The following DHODH variants were observed in gnomAD, a reference collection of about 807,000 sequenced individuals.
The protein encoded by DHODH is dihydroorotate dehydrogenase (quinone), mitochondrial.
In DHODH, 30 loss-of-function variants were observed where a neutral mutation model predicts 39.7. The observed-to-expected ratio is 0.76, with a 90% confidence interval of 0.57 to 1.02. The LOEUF (loss-of-function observed/expected upper bound fraction) is 1.02. Among genes scored for constraint, DHODH ranks in the 50% least tolerant of loss-of-function variants. DHODH has a pLI of 0.00. For synonymous variants in DHODH, 222 were observed against 213.8 expected (o/e 1.04, Z -0.34); for missense variants, 531 against 520.8 (o/e 1.02, Z -0.19).
intron 5 of DHODH, among the ~76,000 whole-genome samples, chr16:72,021,887 A>G (rs1278308592): frequency 1.3e-5 from 2 of 152,162 alleles, no homozygotes; most frequent in African/African-American, 2.4e-5. Context: ...ACTTGAGCTC[A>G]GGAGCTGACC....
At chr16:72,014,098 A>G (rs945595873) in intron 2 of DHODH, among the ~76,000 whole-genome samples, 6 of 152,154 alleles carry the variant, frequency 3.9e-5, no homozygotes, top group Admixed American at 1.3e-4. Context: ...GCCTGACACC[A>G]GCGAGCTACT....
rs996948451 is a variant in DHODH at position 72,022,427 on chromosome 16, T to G, written c.771T>G (p.Pro257=). Residue 257 remains proline, a synonymous_variant, in exon 6 of 9, where the codon CCT becomes CCG. Transcript: ENST00000219240. ...CGGCAGTCCTGGTGAAGATCGCTCC[T>G]GACCTCACCAGCCAGGATAAGGAGG... The part of the protein sequence containing the change: ...HRPAVLVKIA[P]DLTSQDKEDI... 1 of 1,557,762 alleles carries G rather than the reference T, an allele frequency of 6.4e-7. No individual in the cohort carries two copies. Among genetic ancestry groups the G allele is most frequent in the Non-Finnish European group, 8.7e-7 (1 of 1,150,440 alleles).
intron 2 of DHODH, among the ~76,000 whole-genome samples, chr16:72,014,263 G>A (rs2041115195): frequency 6.6e-6 from 1 of 152,154 alleles, no homozygotes; most frequent in South Asian, 2.1e-4. Flanking sequence ...TCTAGCTGGT[G>A]TCACAGTCCC....
In DHODH at chr16:72,023,509, A is replaced by T. The variant is rs376142632; in HGVS notation, c.1009A>T (p.Ser337Cys). 179 of 1,614,012 alleles carry T rather than the reference A, an allele frequency of 1.1e-4. No homozygotes were observed. The highest frequency in any genetic ancestry group is 1.5e-4 in the Non-Finnish European group (175 of 1,180,040). Residue 337 changes from serine to cysteine, a missense_variant, in exon 8 of 9, where the codon AGC becomes TGC. Physicochemically the swap from Ser to Cys is moderately radical, Grantham distance 112. Transcript: ENST00000219240. ...VPIIGVGGVSSGQDALEKIRA... is the reference protein window; with the variant it reads ...VPIIGVGGVSCGQDALEKIRA... The stretch of plus-strand genomic sequence containing the variant: ...CATAATTGGGGTTGGTGGTGTGAGC[A>T]GCGGGCAGGACGCGCTGGAGAAGAT...
chr16:72,019,200 C>T (rs369752541), intron 4 of DHODH, among the ~76,000 whole-genome samples: 3 of 152,314 alleles, frequency 2.0e-5, no homozygotes, highest in African/African-American at 7.2e-5. Context: ...AATTGATCCA[C>T]CCACCTCAGC....
In DHODH at chr16:72,026,076, C is replaced by T. The variant is rs552946724; in HGVS notation, c.*1877C>T. 75 of 152,402 alleles carry T rather than the reference C, an allele frequency of 4.9e-4. No homozygotes were observed. The highest frequency in any genetic ancestry group is 1.8e-3 in the African/African-American group (74 of 41,592). 9.4% of individuals were successfully genotyped at this position (152,402 alleles called of 1,614,324 possible). On this transcript the variant is annotated 3_prime_UTR_variant, in exon 9 of 9. Coordinates refer to ENST00000219240, the MANE Select transcript of DHODH (RefSeq NM_001361.5). Reference sequence around the variant, plus strand: ...TCCTTACTCCAGGAAGAGCAGTGCACTGAAGGAGAAATGGGAATGGGCAAA... The same window carrying T: ...TCCTTACTCCAGGAAGAGCAGTGCATTGAAGGAGAAATGGGAATGGGCAAA...
intron 4 of DHODH, among the ~76,000 whole-genome samples, chr16:72,020,910 A>G (rs376550518): frequency 6.6e-6 from 1 of 152,362 alleles, no homozygotes; most frequent in South Asian, 2.1e-4. Flanking sequence ...ACATCCTCGT[A>G]GCTGCCCAGA....
Position 72,012,138 on chromosome 16 carries a change from A to G in DHODH, c.110A>G (p.Tyr37Cys), listed in dbSNP as rs1196409041. 4 of 1,614,112 alleles carry G rather than the reference A, an allele frequency of 2.5e-6. No individual in the cohort carries two copies. The highest frequency in any genetic ancestry group is 2.2e-5 in the East Asian group (1 of 44,872). ...YLMATGDERF[Y>C]AEHLMPTLQG... ...ATGGCCACGGGAGATGAGCGTTTCT[A>G]TGCTGAACACCTGATGCCGACTCTG... Residue 37 changes from tyrosine to cysteine, a missense_variant, in exon 2 of 9, where the codon TAT becomes TGT. Transcript: ENST00000219240.
chr16:72,022,093 C>CAAA (rs57957042), intron 5 of DHODH, among the ~76,000 whole-genome samples: 2 of 86,062 alleles, frequency 2.3e-5, no homozygotes, highest in Non-Finnish European at 5.0e-5. Flanking sequence ...GACCTTGTCT[C>CAAA]AAAAAAAAAA....
rs913635582 is a variant in DHODH, at chr16:72,008,795, G to C, written c.21+10G>C. On this transcript the variant is annotated intron_variant, in intron 1 of 8. Transcript: ENST00000219240. ...GTGGAGACACCTGAAAGTGAGTCCC[G>C]CGAGTGAGCAGTGTGGATGGGGGAC... 29 of 1,552,068 alleles carry C rather than the reference G, an allele frequency of 1.9e-5. No individual in the cohort carries two copies. Among genetic ancestry groups the C allele is most frequent in the Non-Finnish European group, 2.3e-5 (26 of 1,147,212 alleles).
intron 4 of DHODH, among the ~76,000 whole-genome samples, chr16:72,017,654 G>A (rs1263467753): frequency 6.6e-6 from 1 of 151,584 alleles, no homozygotes; most frequent in Non-Finnish European, 1.5e-5. Context: ...GTTCACACCT[G>A]TAATCTCAAT....
chr16:72,017,611 G>A (rs888362664), intron 4 of DHODH, among the ~76,000 whole-genome samples: 1 of 152,128 alleles, frequency 6.6e-6, no homozygotes, highest in Non-Finnish European at 1.5e-5. Flanking sequence ...TTCTTCATGA[G>A]TTGTTTTGGA....
At chr16:72,010,061 T>G (rs995970711) in intron 1 of DHODH, among the ~76,000 whole-genome samples, 1 of 152,224 alleles carries the variant, frequency 6.6e-6, no homozygotes, top group Non-Finnish European at 1.5e-5. Context: ...GAATACTTGA[T>G]CTACATGTCT....
chr16:72,017,919 C>G (rs970271393), intron 4 of DHODH, among the ~76,000 whole-genome samples: 1 of 151,942 alleles, frequency 6.6e-6, no homozygotes, highest in Admixed American at 6.6e-5. Context: ...CTTCAGGCAC[C>G]CGCCGCCACA....
chr16:72,009,637 C>G (rs1223004855), intron 1 of DHODH, among the ~76,000 whole-genome samples: 1 of 151,122 alleles, frequency 6.6e-6, no homozygotes, highest in Non-Finnish European at 1.5e-5. Flanking sequence ...TTATTTGAGA[C>G]GGAGTCTTGG....
At chr16:72,019,769 T>C (rs1042901702) in intron 4 of DHODH, among the ~76,000 whole-genome samples, 7 of 152,190 alleles carry the variant, frequency 4.6e-5, no homozygotes, top group Non-Finnish European at 1.0e-4. Flanking sequence ...AGTTATTATA[T>C]GAGGGAGAGT....
At chr16:72,012,940 C>T (rs1199202921) in intron 2 of DHODH, among the ~76,000 whole-genome samples, 1 of 152,190 alleles carries the variant, frequency 6.6e-6, no homozygotes, top group Non-Finnish European at 1.5e-5. Flanking sequence ...ACCTTCCGGG[C>T]TTAGTGCAGC....
chr16:72,013,934 C>T (rs1402571267), intron 2 of DHODH, among the ~76,000 whole-genome samples: 3 of 152,226 alleles, frequency 2.0e-5, no homozygotes, highest in South Asian at 2.1e-4. Context: ...TGAACATCTT[C>T]CTTCCTCTGG....
At chr16:72,011,906 G>A in intron 1 of DHODH, 144 bp from the exon 2 acceptor site, 1 of 659,316 alleles carries the variant, frequency 1.5e-6, no homozygotes, top group Non-Finnish European at 2.7e-6. Flanking sequence ...GCCTCTGACT[G>A]TAGAGACCAG....
Sources: gnomAD v4.1 joint callset for allele counts (sites outside exome capture counted in the v4.1 genomes callset) on GRCh38, gnomAD v4.1.1 for gene constraint, MANE v1.5 for transcripts, NCBI Gene and HGNC (gene_info 2026-07-23, HGNC 2026-07-21) for gene names.